PTPRM: variants seen among roughly 807,000 people sequenced by gnomAD.
PTPRM encodes protein tyrosine phosphatase receptor type M, also known as receptor-type tyrosine-protein phosphatase mu.
PTPRM carries 47 observed loss-of-function variants against 186.7 expected under a neutral mutation model. The observed-to-expected ratio is 0.25, with a 90% CI of 0.20 to 0.32. The LOEUF is 0.32. PTPRM is among the 10% of genes least tolerant of loss of function. The pLI, the probability that PTPRM is intolerant of heterozygous loss-of-function variation, is 1.00. For synonymous variants in PTPRM, 668 were observed against 674.9 expected, an observed-to-expected ratio of 0.99 and a Z score of 0.16; for missense variants, 1,494 against 1,865.0, an observed-to-expected ratio of 0.80 and a Z score of 3.66.
chr18:7,884,924 C>CAAAAAAAAAAAAA lies in PTPRM; in HGVS notation c.197-3167_197-3155dup, dbSNP rs56724615. Among the ~76,000 whole-genome samples the CAAAAAAAAAAAAA allele has an allele frequency of 8.7e-4, 33 of 37,842 alleles. 2 individuals are homozygous for CAAAAAAAAAAAAA. Among genetic ancestry groups the CAAAAAAAAAAAAA allele is most frequent in the Non-Finnish European group, 1.1e-3 (23 of 21,010 alleles). 24.8% of individuals were successfully genotyped at this position (37,842 alleles called of 152,430 possible). On this transcript the variant is annotated intron_variant, in intron 2 of 32. Coordinates refer to ENST00000580170, the MANE Select transcript of PTPRM (RefSeq NM_001105244.2). Reference sequence around the variant, plus strand: ...GGGCGACGAGAGCAAAGCTCCATCTCAAAAAAAAAAAAAAAAAAAAAAAAA... The same window carrying CAAAAAAAAAAAAA: ...GGGCGACGAGAGCAAAGCTCCATCTCAAAAAAAAAAAAAAAAAAAAAAAAAAAAAAAAAAAAAA...
chr18:7,591,039 A>G (rs537370839), intron 1 of PTPRM, among the ~76,000 whole-genome samples: 2 of 152,306 alleles, frequency 1.3e-5, no homozygotes, highest in African/African-American at 4.8e-5. Context: ...AGTGACTCTC[A>G]TTTCCTGCTT....
At chr18:7,934,768 A>G (rs147222490) in intron 5 of PTPRM, among the ~76,000 whole-genome samples, 6 of 152,130 alleles carry the variant, frequency 3.9e-5, no homozygotes, top group Non-Finnish European at 7.4e-5. Flanking sequence ...GACTTTTCCA[A>G]TGGTGCATTG....
chr18:7,826,228 T>A (rs2045477716), intron 2 of PTPRM, among the ~76,000 whole-genome samples: 1 of 152,230 alleles, frequency 6.6e-6, no homozygotes, highest in Admixed American at 6.5e-5. Context: ...CATCTTCATC[T>A]CCATATGTGA....
chr18:7,983,248 C>G (rs1311491283), intron 7 of PTPRM, among the ~76,000 whole-genome samples: 1 of 151,964 alleles, frequency 6.6e-6, no homozygotes, highest in Non-Finnish European at 1.5e-5. Flanking sequence ...GAGTGCAAAC[C>G]CTATTATGAA....
intron 11 of PTPRM, among the ~76,000 whole-genome samples, chr18:8,091,554 G>A (rs1310855316): frequency 1.3e-5 from 2 of 151,528 alleles, no homozygotes; most frequent in Non-Finnish European, 2.9e-5. Context: ...AAATTTGAGA[G>A]AGGAAATTAT....
At chr18:7,637,023 C>T (rs1047762874) in intron 1 of PTPRM, among the ~76,000 whole-genome samples, 62 of 151,858 alleles carry the variant, frequency 4.1e-4, no homozygotes, top group Admixed American at 9.2e-4. Context: ...CAAAAATTAA[C>T]CAGGCAAGGT....
chr18:7,799,614 A>G (rs1362108990), intron 2 of PTPRM, among the ~76,000 whole-genome samples: 2 of 152,176 alleles, frequency 1.3e-5, no homozygotes, highest in South Asian at 2.1e-4. Context: ...TAAAGAATAT[A>G]TATAATCTAC....
chr18:8,063,558 C>T (rs1449232452), intron 7 of PTPRM, among the ~76,000 whole-genome samples: 3 of 152,028 alleles, frequency 2.0e-5, no homozygotes, highest in Non-Finnish European at 4.4e-5. Flanking sequence ...TTACCAATAC[C>T]CACATTTCTT....
chr18:7,957,940 C>A (rs2053422575), intron 7 of PTPRM, among the ~76,000 whole-genome samples: 1 of 152,128 alleles, frequency 6.6e-6, no homozygotes, highest in South Asian at 2.1e-4. Flanking sequence ...AGACTAGAAG[C>A]ATTCTGCAGC....
intron 23 of PTPRM, among the ~76,000 whole-genome samples, chr18:8,352,653 G>GTTTTTTTTTTTTTTT (rs1355276752): frequency 1.6e-5 from 2 of 121,340 alleles, no homozygotes; most frequent in African/African-American, 2.9e-5. Context: ...TTTTGGTTTG[G>GTTTTTTTTTTTTTTT]TTTTTTTTGT....
At chr18:8,369,795 A>G (rs778900182) in intron 23 of PTPRM, among the ~76,000 whole-genome samples, 7 of 152,014 alleles carry the variant, frequency 4.6e-5, no homozygotes, top group Non-Finnish European at 8.8e-5. Flanking sequence ...TATAAAAAAT[A>G]AAAGATTAGC....
chr18:7,723,754 G>A (rs1210513709), intron 1 of PTPRM, among the ~76,000 whole-genome samples: 2 of 152,094 alleles, frequency 1.3e-5, no homozygotes, highest in Admixed American at 6.6e-5. Context: ...GTTTCCCTTC[G>A]GGATTCTGAG....
At chr18:8,180,660 A>G (rs770791543) in intron 14 of PTPRM, among the ~76,000 whole-genome samples, 14 of 152,144 alleles carry the variant, frequency 9.2e-5, no homozygotes, top group South Asian at 4.1e-4. Context: ...AGTTGTATGC[A>G]TGCTCACCTG....
intron 7 of PTPRM, among the ~76,000 whole-genome samples, chr18:8,044,768 A>G (rs912692044): frequency 2.0e-5 from 3 of 151,244 alleles, no homozygotes; most frequent in Non-Finnish European, 4.4e-5. Flanking sequence ...AAAAAAAAAA[A>G]AAAAAGAAAA....
intron 19 of PTPRM, among the ~76,000 whole-genome samples, chr18:8,261,899 T>C (rs1186453105): frequency 6.6e-6 from 1 of 152,208 alleles, no homozygotes; most frequent in Non-Finnish European, 1.5e-5. Flanking sequence ...TTCCCACTTG[T>C]TAACATGCTT....
chr18:8,352,400 C>A (rs1598405527), intron 23 of PTPRM, among the ~76,000 whole-genome samples: 2 of 152,296 alleles, frequency 1.3e-5, no homozygotes, highest in South Asian at 2.1e-4. Context: ...AAACAGTGAA[C>A]ATAGTCCCCA....
intron 1 of PTPRM, among the ~76,000 whole-genome samples, chr18:7,739,811 T>C (rs1379285041): frequency 6.6e-6 from 1 of 152,216 alleles, no homozygotes; most frequent in African/African-American, 2.4e-5. Context: ...GGTTGCATCA[T>C]CTTTGATTTT....
intron 22 of PTPRM, among the ~76,000 whole-genome samples, chr18:8,337,099 C>T (rs1157372886): frequency 2.6e-5 from 4 of 152,072 alleles, no homozygotes; most frequent in African/African-American, 7.2e-5. Flanking sequence ...TGGCAGAGTC[C>T]TTATAGATAT....
In PTPRM at chr18:8,378,412, C is replaced by T. The variant is rs769686005; in HGVS notation, c.3610C>T (p.Arg1204Trp). 1.1e-5 allele frequency: 17 copies of T among 1,613,890 alleles called. No individual in the cohort carries two copies. Among genetic ancestry groups the T allele is most frequent in the Admixed American group, 1.7e-5 (1 of 59,990 alleles). The change falls in exon 27 of 33, where the codon CGG becomes TGG. Residue 1204 changes from arginine (R) to tryptophan (W), a missense_variant and splice_region_variant. Physicochemically the swap from Arg to Trp is moderately radical, Grantham distance 101. Around this residue, in one of 3 missense-constraint regions of PTPRM, gnomAD observed 1,107 missense variants for 1,350.2 expected, o/e 0.82. Transcript: ENST00000580170. ...TNSSQIKEEFRTLNMVTPTLR... is the reference protein window; with the variant it reads ...TNSSQIKEEFWTLNMVTPTLR... ...CTCAAGCCAGATTAAAGAGGAATTCCGGGTAAGTGATGCCTAAGGGAGGGG... is the reference window on the plus strand; with the variant it reads ...CTCAAGCCAGATTAAAGAGGAATTCTGGGTAAGTGATGCCTAAGGGAGGGG...
Sources: gnomAD v4.1 joint callset for allele counts (sites outside exome capture counted in the v4.1 genomes callset) on GRCh38, gnomAD v4.1.1 for gene constraint, gnomAD v4.1.1 regional missense constraint, MANE v1.5 for transcripts, NCBI Gene and HGNC (gene_info 2026-07-23, HGNC 2026-07-21) for gene names.